The following NR6A1 variants were observed in gnomAD, a reference collection of about 807,000 sequenced individuals.
NR6A1 encodes the protein retinoic acid receptor-related testis-associated receptor.
NR6A1 carries 7 observed loss-of-function variants against 59.1 expected under a neutral mutation model. That is an observed-to-expected ratio of 0.12 (90% CI 0.07 to 0.22). The LOEUF (loss-of-function observed/expected upper bound fraction) is 0.22. Among genes scored for constraint, NR6A1 ranks in the 10% least tolerant of loss-of-function variants. NR6A1 has a pLI of 1.00. For missense variants in NR6A1, 468 were observed against 611.6 expected (o/e 0.77, Z 2.48); for synonymous variants, 243 against 236.1 (o/e 1.03, Z -0.27).
chr9:124,599,524 G>A (rs2130818548), intron 2 of NR6A1: 1 of 586,954 alleles, frequency 1.7e-6, no homozygotes, highest in Non-Finnish European at 3.0e-6. Flanking sequence ...GGTTGGACTC[G>A]TCTTCATTCT....
chr9:124,535,870 G>A lies in NR6A1; in HGVS notation c.1079+8C>T, dbSNP rs752568505. The A allele has an allele frequency of 9.9e-6, 16 of 1,613,816 alleles. No individual in the cohort carries two copies. The highest frequency in any genetic ancestry group is 1.2e-5 in the Non-Finnish European group (14 of 1,179,840). On this transcript the variant is annotated splice_region_variant and intron_variant, in intron 7 of 9. Coordinates refer to ENST00000487099, the MANE Select transcript of NR6A1 (RefSeq NM_033334.4). The stretch of plus-strand genomic sequence containing the variant: ...TTTGGTATTTCCTCCCCAGCCAGGA[G>A]GCCTCACCTGTGTAGTTCTTCATCG...
chr9:124,550,744 C>A (rs566983274), intron 3 of NR6A1, among the ~76,000 whole-genome samples: 17 of 151,838 alleles, frequency 1.1e-4, no homozygotes, highest in Non-Finnish European at 1.8e-4. Context: ...CTATGCTGCC[C>A]AGGCTGGTCT....
At chr9:124,610,349 T>C (rs544105052) in intron 2 of NR6A1, among the ~76,000 whole-genome samples, 2 of 152,334 alleles carry the variant, frequency 1.3e-5, no homozygotes, top group African/African-American at 4.8e-5. Flanking sequence ...TCTGCATCTT[T>C]TGAGATAATC....
chr9:124,522,872 A>C, intron 9 of NR6A1, 79 bp from the exon 10 acceptor site: 1 of 1,130,996 alleles, frequency 8.8e-7, no homozygotes, highest in Non-Finnish European at 1.3e-6. Context: ...GGGCTGGTGG[A>C]GGCAGAGTAT....
rs1385913254 is a variant in NR6A1 at position 124,517,926 on chromosome 9, G to A, written c.*4779C>T. The A allele has an allele frequency of 1.3e-5, 2 of 151,988 alleles. No individual in the cohort carries two copies. The highest frequency in any genetic ancestry group is 4.8e-5 in the African/African-American group (2 of 41,364). 9.4% of individuals were successfully genotyped at this position (151,988 alleles called of 1,614,324 possible). A position where few individuals can be genotyped will look rare whatever the true frequency, so the allele number is the denominator to read the frequency against. ...TTTTCCCACAGGATTCCTCAGAGAG[G>A]AATCGACCAGGATGTCGCTTAAGAG... is the stretch of plus-strand genomic sequence containing the variant. On this transcript the variant is annotated 3_prime_UTR_variant, in exon 10 of 10. Coordinates refer to ENST00000487099, the MANE Select transcript of NR6A1 (RefSeq NM_033334.4).
chr9:124,755,395 G>A (rs1840606113), intron 1 of NR6A1, among the ~76,000 whole-genome samples: 1 of 152,114 alleles, frequency 6.6e-6, no homozygotes, highest in South Asian at 2.1e-4. Flanking sequence ...TCATTATTGT[G>A]ATCTAAGAGT....
intron 1 of NR6A1, among the ~76,000 whole-genome samples, chr9:124,766,309 A>C (rs1377051399): frequency 6.6e-6 from 1 of 152,252 alleles, no homozygotes; most frequent in Non-Finnish European, 1.5e-5. Context: ...AGAAGTGTGA[A>C]AAACATTTTC....
At chr9:124,653,018 G>A (rs1245773282) in intron 2 of NR6A1, among the ~76,000 whole-genome samples, 2 of 152,148 alleles carry the variant, frequency 1.3e-5, no homozygotes, top group Non-Finnish European at 2.9e-5. Context: ...TTTACATTTT[G>A]TATAATCATT....
At chr9:124,656,433 A>G (rs1361192786) in intron 2 of NR6A1, among the ~76,000 whole-genome samples, 1 of 152,236 alleles carries the variant, frequency 6.6e-6, no homozygotes, top group African/African-American at 2.4e-5. Context: ...ATGCGACAAC[A>G]TGCATGAACC....
chr9:124,554,650 G>GTAGATTAAGACCACCAC, intron 2 of NR6A1, 80 bp from the exon 3 acceptor site: 2 of 1,573,246 alleles, frequency 1.3e-6, no homozygotes, highest in Non-Finnish European at 1.7e-6. Flanking sequence ...TCTGCTCTGG[G>GTAGATTAAGACCACCAC]TAGATTAAGA....
intron 7 of NR6A1, among the ~76,000 whole-genome samples, chr9:124,529,200 T>C (rs1382192666): frequency 1.3e-5 from 2 of 152,174 alleles, no homozygotes; most frequent in Non-Finnish European, 1.5e-5. Context: ...TAACCACCAA[T>C]CTATAATACC....
At position 124,616,379 on chromosome 9, in the gene NR6A1, G is replaced by T. The variant is rs1465959366; in HGVS notation, c.143-61809C>A. Among the ~76,000 whole-genome samples, 3 of 148,478 alleles carry T rather than the reference G, an allele frequency of 2.0e-5. No individual in the cohort carries two copies. In the East Asian group the frequency reaches 5.9e-4, roughly 29 times the overall value. ...GATCGCGCCAATGCACTCCAGCCTG[G>T]GCGACAAAGCGGGACTCCATCTCAA... is the stretch of plus-strand genomic sequence containing the variant. On this transcript the variant is annotated intron_variant, in intron 2 of 9. Transcript: ENST00000487099.
chr9:124,611,084 A>G (rs1835728036), intron 2 of NR6A1, among the ~76,000 whole-genome samples: 1 of 151,862 alleles, frequency 6.6e-6, no homozygotes, highest in Non-Finnish European at 1.5e-5. Context: ...GGAGGCAGGT[A>G]TAGTGGGCTT....
chr9:124,683,164 T>C (rs1316549101), intron 2 of NR6A1, among the ~76,000 whole-genome samples: 1 of 151,030 alleles, frequency 6.6e-6, no homozygotes, highest in African/African-American at 2.4e-5. Flanking sequence ...ATCACGCCAC[T>C]ACACTCCAGC....
chr9:124,613,868 C>T (rs1176312414), intron 2 of NR6A1, among the ~76,000 whole-genome samples: 4 of 152,166 alleles, frequency 2.6e-5, no homozygotes, highest in Admixed American at 1.3e-4. Context: ...TACAGATGGA[C>T]TTCTGCCACC....
At chr9:124,638,009 C>T (rs1836664518) in intron 2 of NR6A1, among the ~76,000 whole-genome samples, 1 of 151,560 alleles carries the variant, frequency 6.6e-6, no homozygotes, top group South Asian at 2.1e-4. Flanking sequence ...CTGTGGGAGG[C>T]TTAGGCAGGA....
intron 2 of NR6A1, among the ~76,000 whole-genome samples, chr9:124,567,924 C>T (rs1346881157): frequency 6.7e-6 from 1 of 148,930 alleles, no homozygotes; most frequent in Non-Finnish European, 1.5e-5. Context: ...GCCTGTAATC[C>T]CAGAACTTTG....
At position 124,521,089 on chromosome 9, in the gene NR6A1, A is replaced by T. The variant is rs959134849; in HGVS notation, c.*1616T>A. 1 of 152,264 alleles carries T rather than the reference A, an allele frequency of 6.6e-6. No homozygotes were observed. Among genetic ancestry groups the T allele is most frequent in the Non-Finnish European group, 1.5e-5 (1 of 68,042 alleles). The allele number at this position is 152,264 out of a possible 1,614,324, so 9.4% of individuals were successfully genotyped here. ...AGCCTTTGACTAAATAGGCAGAAGAAGGTGCCGTGGGCCCTTCCAACCTAC... is the reference window on the plus strand; with the variant it reads ...AGCCTTTGACTAAATAGGCAGAAGATGGTGCCGTGGGCCCTTCCAACCTAC... On this transcript the variant is annotated 3_prime_UTR_variant, in exon 10 of 10. Transcript: ENST00000487099.
chr9:124,652,835 G>A (rs374821974), intron 2 of NR6A1, among the ~76,000 whole-genome samples: 2 of 152,188 alleles, frequency 1.3e-5, no homozygotes, highest in South Asian at 2.1e-4. Flanking sequence ...GTAATGAGAT[G>A]TAAGTGCTCT....
Sources: gnomAD v4.1 joint callset for allele counts (sites outside exome capture counted in the v4.1 genomes callset) on GRCh38, gnomAD v4.1.1 for gene constraint, MANE v1.5 for transcripts, NCBI Gene and HGNC (gene_info 2026-07-23, HGNC 2026-07-21) for gene names.